SDHA: variants seen among roughly 807,000 people sequenced by gnomAD.
SDHA encodes succinate dehydrogenase complex flavoprotein subunit A.
SDHA carries 48 observed loss-of-function variants against 78.4 expected under a neutral mutation model. The observed-to-expected ratio is 0.61, with a 90% CI of 0.49 to 0.78. SDHA has a LOEUF of 0.78. Among genes scored for constraint, SDHA ranks in the 30% least tolerant of loss-of-function variants. SDHA has a pLI of 0.00. For missense variants in SDHA, 680 were observed against 892.7 expected (o/e 0.76, Z 3.04); for synonymous variants, 326 against 353.9 (o/e 0.92, Z 0.88).
At chr5:252,847 A>G (rs73018820) in intron 13 of SDHA, among the ~76,000 whole-genome samples, 13,128 of 113,314 alleles carry the variant, frequency 0.12, 2,532 homozygotes, top group African/African-American at 0.37. Flanking sequence ...GTTTATTAAC[A>G]AGTAAGTCAC....
At chr5:219,801 C>T (rs756495533) in intron 1 of SDHA, among the ~76,000 whole-genome samples, 1 of 152,202 alleles carries the variant, frequency 6.6e-6, no homozygotes, top group Non-Finnish European at 1.5e-5. Context: ...CCCGGTGTTC[C>T]TTCTGCAGAC....
At position 236,472 on chromosome 5, in the gene SDHA, G is replaced by C. The variant is rs35964044; in HGVS notation, c.1305G>C (p.Leu435=). The change falls in exon 10 of 15, where the codon CTG becomes CTC. Residue 435 remains leucine, a synonymous_variant. Coordinates refer to ENST00000264932, the MANE Select transcript of SDHA (RefSeq NM_004168.4). ...VNGQDQIVPG[L]YACGEAACAS... ...GCCAGGATCAGATTGTGCCCGGCCT[G>C]TACGCCTGTGGGGAGGCCGCCTGTG... The C allele has an allele frequency of 6.2e-7, 1 of 1,613,912 alleles. No homozygotes were observed. The highest frequency in any genetic ancestry group is 8.5e-7 in the Non-Finnish European group (1 of 1,179,780).
intron 1 of SDHA, among the ~76,000 whole-genome samples, chr5:221,586 G>C (rs1734720104): frequency 6.6e-6 from 1 of 152,086 alleles, no homozygotes; most frequent in Non-Finnish European, 1.5e-5. Flanking sequence ...CTGAAATTCT[G>C]TATTGTTAAG....
At chr5:262,470 T>A in the SDHA span, among the ~76,000 whole-genome samples, 1 of 152,226 alleles carries the variant, frequency 6.6e-6, no homozygotes, top group African/African-American at 2.4e-5. Flanking sequence ...GGCATTAGAT[T>A]CTCATAGGAG....
At chr5:252,521 A>C (rs1165975094) in intron 13 of SDHA, among the ~76,000 whole-genome samples, 1 of 150,720 alleles carries the variant, frequency 6.6e-6, no homozygotes, top group South Asian at 2.1e-4. Context: ...TTTATTAACG[A>C]GTAAGTCACC....
downstream of SDHA, among the ~76,000 whole-genome samples, chr5:257,396 T>A (rs1447239963): frequency 7.0e-6 from 1 of 142,398 alleles, no homozygotes; most frequent in African/African-American, 2.9e-5. Flanking sequence ...CTCCGCCCCC[T>A]GCCAGAGCAT....
chr5:246,318 C>T (rs1022035302), intron 11 of SDHA, among the ~76,000 whole-genome samples: 9 of 151,824 alleles, frequency 5.9e-5, no homozygotes, highest in Middle Eastern at 3.4e-3. Context: ...TGCAGCTGAT[C>T]GAAAAGCAAG....
chr5:265,267 A>G, the SDHA span, among the ~76,000 whole-genome samples: 4 of 152,252 alleles, frequency 2.6e-5, no homozygotes, highest in Non-Finnish European at 4.4e-5. Flanking sequence ...AATTTGAAAT[A>G]GAAATATAAG....
chr5:247,873 C>T (rs1237724955), intron 11 of SDHA, among the ~76,000 whole-genome samples: 1 of 152,186 alleles, frequency 6.6e-6, no homozygotes, highest in Non-Finnish European at 1.5e-5. Context: ...ACTGGTATCC[C>T]TTATAATTCT....
intron 11 of SDHA, among the ~76,000 whole-genome samples, chr5:247,101 T>G (rs571525097): frequency 4.9e-4 from 75 of 152,102 alleles, no homozygotes; most frequent in Middle Eastern, 3.4e-3. Context: ...TGGTAAAGCT[T>G]CTTACTCTGG....
At chr5:223,887 GT>G (rs1202281845) in intron 2 of SDHA, among the ~76,000 whole-genome samples, 1 of 152,158 alleles carries the variant, frequency 6.6e-6, no homozygotes, top group Admixed American at 6.5e-5. Context: ...AAATAGGACG[GT>G]GGGGCCAGTG....
chr5:261,516 C>T (rs1737479968), downstream of SDHA, among the ~76,000 whole-genome samples: 2 of 37,808 alleles, frequency 5.3e-5, no homozygotes, highest in African/African-American at 3.4e-4. Context: ...CTCCGCCTCC[C>T]GTCACAGCAT....
the SDHA span, among the ~76,000 whole-genome samples, chr5:266,840 ACCCTCGCCGT>A: frequency 1.3e-5 from 2 of 151,826 alleles, no homozygotes; most frequent in African/African-American, 4.8e-5. Context: ...AGATATTCAG[ACCCTCGCCGT>A]CCCGTGCAGT....
At chr5:262,394 C>CCG in the SDHA span, among the ~76,000 whole-genome samples, 1 of 151,778 alleles carries the variant, frequency 6.6e-6, no homozygotes, top group Non-Finnish European at 1.5e-5. Context: ...CCAAGCATTA[C>CCG]TGTGTGAGAT....
chr5:259,570 C>G (rs1290591802), downstream of SDHA, among the ~76,000 whole-genome samples: 25 of 22,364 alleles, frequency 1.1e-3, no homozygotes, highest in Admixed American at 1.8e-3. Flanking sequence ...CCTCCCGTCA[C>G]AGCATTACCG....
intron 11 of SDHA, chr5:250,561 C>T (rs1579436751): frequency 3.4e-6 from 1 of 295,948 alleles, no homozygotes; most frequent in East Asian, 9.2e-5. Flanking sequence ...CAGGGCTCTG[C>T]TCAGCTCCTC....
chr5:233,074 C>T (rs1735517828), intron 7 of SDHA, among the ~76,000 whole-genome samples: 1 of 152,180 alleles, frequency 6.6e-6, no homozygotes, highest in African/African-American at 2.4e-5. Context: ...CTGTCCTTGT[C>T]ACTGTTTGGA....
At chr5:246,597 A>G (rs1736479322) in intron 11 of SDHA, among the ~76,000 whole-genome samples, 1 of 152,264 alleles carries the variant, frequency 6.6e-6, no homozygotes, top group Non-Finnish European at 1.5e-5. Context: ...TTCCAACTCC[A>G]CATTCACCTA....
intron 5 of SDHA, among the ~76,000 whole-genome samples, chr5:226,328 A>T (rs1267472562): frequency 6.6e-6 from 1 of 152,148 alleles, no homozygotes; most frequent in Non-Finnish European, 1.5e-5. Context: ...GTGACACTCA[A>T]CATACAAGAG....
Sources: gnomAD v4.1 joint callset for allele counts (sites outside exome capture counted in the v4.1 genomes callset) on GRCh38, gnomAD v4.1.1 for gene constraint, MANE v1.5 for transcripts, NCBI Gene and HGNC (gene_info 2026-07-23, HGNC 2026-07-21) for gene names.